EMSY: variants seen among roughly 807,000 people sequenced by gnomAD.
EMSY encodes the protein EMSY transcriptional repressor, BRCA2 interacting, also known as BRCA2-interacting transcriptional repressor EMSY.
A neutral mutation model predicts 134.6 loss-of-function variants in EMSY; 26 were observed. The observed-to-expected ratio is 0.19, with a 90% CI of 0.14 to 0.27. The LOEUF is 0.27. EMSY is among the 10% of genes least tolerant of loss of function. EMSY has a pLI of 1.00. For missense variants in EMSY, 1,305 were observed against 1,611.4 expected (o/e 0.81, Z 3.26); for synonymous variants, 579 against 577.8 (o/e 1.00, Z -0.03).
chr11:76,552,157 C>A (rs1565377278), downstream of EMSY: 1 of 152,074 alleles, frequency 6.6e-6, no homozygotes, highest in Non-Finnish European at 1.5e-5. Flanking sequence ...ATAGAGCATG[C>A]ATTCATTTAT....
chr11:76,535,830 GTTTTTT>G (rs202063699), intron 14 of EMSY, 59 bp from the exon 16 acceptor site: 2 of 906,694 alleles, frequency 2.2e-6, no homozygotes, highest in Non-Finnish European at 2.9e-6. Flanking sequence ...AAAATTGTTT[GTTTTTT>G]TTTTTTTAAG....
At chr11:76,489,903 C>T (rs944628417) in intron 8 of EMSY, among the ~76,000 whole-genome samples, 2 of 152,158 alleles carry the variant, frequency 1.3e-5, no homozygotes, top group African/African-American at 2.4e-5. Context: ...CCGTGCCCGG[C>T]CTACTTGATG....
chr11:76,544,438 G>C (rs1348050813), exon 19 of EMSY: 1 of 1,614,132 alleles, frequency 6.2e-7, no homozygotes, highest in South Asian at 1.1e-5. Flanking sequence ...AACAGACTCA[G>C]CTGCAAGTGA....
intron 8 of EMSY, among the ~76,000 whole-genome samples, chr11:76,480,225 C>T (rs1400671665): frequency 6.6e-6 from 1 of 152,146 alleles, no homozygotes; most frequent in Non-Finnish European, 1.5e-5. Flanking sequence ...ATGCCAAGGA[C>T]AGAATAACTG....
At chr11:76,548,386 C>T (rs1951728232) in intron 20 of EMSY, among the ~76,000 whole-genome samples, 1 of 152,184 alleles carries the variant, frequency 6.6e-6, no homozygotes, top group African/African-American at 2.4e-5. Context: ...TTGATTCGTT[C>T]ATTCATTCAT....
chr11:76,470,908 TTC>T (rs1948544553), intron 7 of EMSY, among the ~76,000 whole-genome samples: 1 of 152,124 alleles, frequency 6.6e-6, no homozygotes, highest in Admixed American at 6.6e-5. Flanking sequence ...CTTCATACTA[TTC>T]TCTCTGTCTG....
chr11:76,503,300 CAAAAAAAAAA>C (rs61098325), intron 9 of EMSY, among the ~76,000 whole-genome samples: 4 of 70,796 alleles, frequency 5.7e-5, no homozygotes, highest in Non-Finnish European at 1.0e-4. Flanking sequence ...GGCGTGGTCT[CAAAAAAAAAA>C]AAAAAAAAAA....
At chr11:76,544,424 C>A (rs756175985) in exon 19 of EMSY, 2 of 1,614,168 alleles carry the variant, frequency 1.2e-6, no homozygotes, top group Admixed American at 3.3e-5. Context: ...CCAGCCCCCG[C>A]TGGAACAGAC....
At chr11:76,541,702 GAGACAGAATCACT>G in intron 17 of EMSY, among the ~76,000 whole-genome samples, 1 of 152,302 alleles carries the variant, frequency 6.6e-6, no homozygotes, top group African/African-American at 2.4e-5. Context: ...GTAAGGTTGT[GAGACAGAATCACT>G]TAATACAAAG....
At chr11:76,549,904 C>A in intron 20 of EMSY, 48 bp from the exon 22 acceptor site, 20 of 1,265,752 alleles carry the variant, frequency 1.6e-5, no homozygotes, top group South Asian at 2.0e-5. Context: ...GGAAGTTATT[C>A]TGCTACCTTT....
rs1184664246 is a variant in EMSY, at chr11:76,513,325, G to A, written c.1364-61G>A. The A allele has an allele frequency of 3.3e-6, 5 of 1,523,110 alleles. No individual in the cohort carries two copies. In the South Asian group the frequency reaches 6.4e-5, roughly 19 times the overall value. 94.3% of individuals were successfully genotyped at this position (1,523,110 alleles called of 1,614,324 possible). Reference sequence around the variant, plus strand: ...TGTGTGACTACTGCCCTCTTGGGTTGGTATAAGGGACATGTATTTAAAAAT... The same window carrying A: ...TGTGTGACTACTGCCCTCTTGGGTTAGTATAAGGGACATGTATTTAAAAAT... On this transcript the variant is annotated intron_variant, in intron 9 of 20. Transcript: ENST00000334736.
At chr11:76,458,130 AT>A in intron 4 of EMSY, 52 bp from the exon 6 acceptor site, 1 of 1,492,402 alleles carries the variant, frequency 6.7e-7, no homozygotes, top group Non-Finnish European at 9.0e-7. Flanking sequence ...TATATGTTTG[AT>A]TTGTTTTTAG....
intron 2 of EMSY, among the ~76,000 whole-genome samples, chr11:76,450,674 T>C (rs763579813): frequency 1.3e-5 from 2 of 151,882 alleles, no homozygotes; most frequent in Non-Finnish European, 2.9e-5. Flanking sequence ...AAATTTTTTG[T>C]AGGGATGGGG....
At position 76,542,378 on chromosome 11, in the gene EMSY, T is replaced by C. The variant is rs1951470925; in HGVS notation, c.2709+11T>C. On this transcript the variant is annotated intron_variant, in intron 18 of 20. Transcript: ENST00000334736. ...CACATTATGCAGCAGGTTGTATCTC[T>C]TCTTTTTCTTCCTATCTTCTGCAAC... 2 of 1,611,906 alleles carry C rather than the reference T, an allele frequency of 1.2e-6. No individual in the cohort carries two copies.
chr11:76,468,567 G>A (rs1378834791), intron 7 of EMSY, among the ~76,000 whole-genome samples: 2 of 152,166 alleles, frequency 1.3e-5, no homozygotes, highest in African/African-American at 4.8e-5. Flanking sequence ...CAAGGCTGTT[G>A]CCATTATTGC....
exon 16 of EMSY, chr11:76,537,926 C>CTAG: frequency 6.2e-7 from 1 of 1,613,090 alleles, no homozygotes; most frequent in Non-Finnish European, 8.5e-7. Flanking sequence ...AGAGTCAGAA[C>CTAG]TAGTAGCTGA....
At chr11:76,500,524 C>T (rs540940018) in intron 9 of EMSY, among the ~76,000 whole-genome samples, 10 of 152,262 alleles carry the variant, frequency 6.6e-5, no homozygotes, top group African/African-American at 2.4e-4. Flanking sequence ...GAAGAGCCTT[C>T]ATGAGGTTAG....
chr11:76,541,587 A>G (rs2513511), intron 17 of EMSY, among the ~76,000 whole-genome samples: 20,218 of 152,230 alleles, frequency 0.13, 2,056 homozygotes, highest in East Asian at 0.38. Flanking sequence ...GACCTCTTCA[A>G]ATTCACTTGG....
chr11:76,462,661 G>A (rs1405973623), intron 6 of EMSY, among the ~76,000 whole-genome samples: 1 of 152,204 alleles, frequency 6.6e-6, no homozygotes, highest in African/African-American at 2.4e-5. Flanking sequence ...AGGAACAATA[G>A]TATATGGATA....
Sources: allele counts gnomAD v4.1 joint callset (sites outside exome capture counted in the v4.1 genomes callset), GRCh38; gene constraint gnomAD v4.1.1; transcripts MANE v1.5; gene names NCBI Gene and HGNC (gene_info 2026-07-23, HGNC 2026-07-21).